The following CTPS1 variants were observed in gnomAD, a reference collection of about 807,000 sequenced individuals.
The protein encoded by CTPS1 is CTP synthase 1.
In CTPS1, 25 loss-of-function variants were observed where a neutral mutation model predicts 80.5. That is an observed-to-expected ratio of 0.31 (90% CI 0.23 to 0.43). The LOEUF is 0.43. Ranked by LOEUF, CTPS1 falls within the 20% of genes least tolerant of loss-of-function variation. CTPS1 has a pLI of 1.00. For synonymous variants in CTPS1, 267 were observed against 252.5 expected (o/e 1.06, Z -0.54); for missense variants, 442 against 725.7 (o/e 0.61, Z 4.49).
At chr1:41,004,617 C>A (rs1357596109) in intron 12 of CTPS1, among the ~76,000 whole-genome samples, 2 of 152,180 alleles carry the variant, frequency 1.3e-5, no homozygotes, top group Non-Finnish European at 2.9e-5. Context: ...GTACCAGGAA[C>A]TTGGTCCTTT....
At chr1:40,997,568 A>AAGC in intron 9 of CTPS1, 42 bp downstream of exon 9, 1 of 1,604,760 alleles carries the variant, frequency 6.2e-7, no homozygotes, top group South Asian at 1.1e-5. Context: ...ATGAGCAGGG[A>AAGC]AGCAGTCTGT....
chr1:40,988,526 T>C, intron 4 of CTPS1, 68 bp from the exon 5 acceptor site: 1 of 989,108 alleles, frequency 1.0e-6, no homozygotes, highest in Non-Finnish European at 1.6e-6. Context: ...GACAGAACAG[T>C]TGTTAGAAAA....
intron 7 of CTPS1, among the ~76,000 whole-genome samples, chr1:40,994,172 T>G (rs569154861): frequency 1.3e-5 from 2 of 152,348 alleles, no homozygotes; most frequent in South Asian, 4.1e-4. Flanking sequence ...GTGCTTTCAC[T>G]GTCGTGTCTA....
chr1:41,009,383 TTC>T, intron 16 of CTPS1, 60 bp from the exon 17 acceptor site: 1 of 1,462,326 alleles, frequency 6.8e-7, no homozygotes, highest in Non-Finnish European at 9.2e-7. Context: ...GCAGATTTTG[TTC>T]TTTTACACTT....
At chr1:40,984,394 C>G (rs1642400317) in intron 2 of CTPS1, among the ~76,000 whole-genome samples, 1 of 152,212 alleles carries the variant, frequency 6.6e-6, no homozygotes, top group African/African-American at 2.4e-5. Context: ...TTTTTATAAT[C>G]AGCACAAGCT....
chr1:40,987,871 C>T (rs1384350418), intron 4 of CTPS1, among the ~76,000 whole-genome samples: 1 of 152,104 alleles, frequency 6.6e-6, no homozygotes, highest in Non-Finnish European at 1.5e-5. Context: ...CTCAGTGTTC[C>T]TCAGATAACA....
intron 1 of CTPS1, 181 bp from the exon 2 acceptor site, chr1:40,983,097 C>T: frequency 2.0e-6 from 1 of 493,640 alleles, no homozygotes; most frequent in Non-Finnish European, 3.6e-6. Flanking sequence ...ATTCAGTGAT[C>T]CAAGAAATGT....
chr1:40,997,611 T>C (rs1419074833), intron 9 of CTPS1, 85 bp downstream of exon 9: 33 of 1,447,538 alleles, frequency 2.3e-5, no homozygotes, highest in Non-Finnish European at 3.1e-5. Context: ...ATCTGCTTTC[T>C]GTTTGGAGCT....
At chr1:40,982,140 T>C (rs1478962900) in intron 1 of CTPS1, 9 of 433,188 alleles carry the variant, frequency 2.1e-5, no homozygotes, top group Non-Finnish European at 3.2e-5. Flanking sequence ...CCTCACCTCT[T>C]GTCGATGCTG....
chr1:40,980,021 C>T (rs1379648761), intron 1 of CTPS1, 192 bp downstream of exon 1: 2 of 151,294 alleles, frequency 1.3e-5, no homozygotes, highest in South Asian at 4.1e-4. Context: ...GCGCCCCGGC[C>T]GGCGAGCTGC....
Position 41,003,182 on chromosome 1 carries a change from C to T in CTPS1, c.1252+6C>T, listed in dbSNP as rs749852432. ...AAACGTGCTGGGATGGCAAGGTAAG[C>T]GTGCATTAAGACACTCATTCAATTC... On this transcript the variant is annotated splice_donor_region_variant and intron_variant, in intron 12 of 18. Coordinates refer to ENST00000650070, the MANE Select transcript of CTPS1 (RefSeq NM_001905.4). 6.8e-6 allele frequency: 11 copies of T among 1,613,860 alleles called. No homozygotes were observed. In the South Asian group the frequency reaches 8.8e-5, roughly 13 times the overall value.
At chr1:40,987,210 T>C (rs547204939) in intron 3 of CTPS1, among the ~76,000 whole-genome samples, 162 bp from the exon 4 acceptor site, 13 of 152,286 alleles carry the variant, frequency 8.5e-5, no homozygotes, top group East Asian at 3.9e-4. Context: ...AGCTCAGAGA[T>C]TTGTTGAGGC....
chr1:40,999,295 G>T (rs565119619), intron 9 of CTPS1, among the ~76,000 whole-genome samples: 3 of 152,194 alleles, frequency 2.0e-5, no homozygotes, highest in Non-Finnish European at 2.9e-5. Context: ...AGACAGGCTG[G>T]TGAGGGCCTG....
rs116700741 is a variant in CTPS1 at position 40,991,149 on chromosome 1, T to G, written c.556-16T>G. 0.031 allele frequency: 48,244 copies of G among 1,564,662 alleles called. 587 individuals carry two copies. Among genetic ancestry groups the G allele is most frequent in the South Asian group, 0.04 (3,275 of 81,794 alleles). On this transcript the variant is annotated splice_polypyrimidine_tract_variant and intron_variant, in intron 5 of 18. Coordinates refer to ENST00000650070, the MANE Select transcript of CTPS1 (RefSeq NM_001905.4). Reference sequence around the variant, plus strand: ...GAGGGAAACTAACTTTTTTTTTTTTTTCTTTTGTGAAATAGCCAAGTTCAA... The same window carrying G: ...GAGGGAAACTAACTTTTTTTTTTTTGTCTTTTGTGAAATAGCCAAGTTCAA...
At chr1:41,005,799 G>A in intron 12 of CTPS1, among the ~76,000 whole-genome samples, 1 of 152,104 alleles carries the variant, frequency 6.6e-6, no homozygotes, top group East Asian at 1.9e-4. Flanking sequence ...ACCTTCTTGG[G>A]AGGCTGAGGC....
chr1:40,999,638 A>AG (rs1173058483), intron 9 of CTPS1, among the ~76,000 whole-genome samples: 1 of 152,242 alleles, frequency 6.6e-6, no homozygotes, highest in Non-Finnish European at 1.5e-5. Flanking sequence ...ACAGTCTGGT[A>AG]GTTTCTTATC....
intron 12 of CTPS1, among the ~76,000 whole-genome samples, 193 bp from the exon 13 acceptor site, chr1:41,005,858 C>T (rs561085744): frequency 2.0e-5 from 3 of 152,190 alleles, no homozygotes; most frequent in African/African-American, 7.2e-5. Context: ...GAGCTATGAT[C>T]GCACCACTGC....
intron 13 of CTPS1, among the ~76,000 whole-genome samples, chr1:41,006,801 G>A (rs908171990): frequency 5.3e-5 from 8 of 152,204 alleles, no homozygotes; most frequent in Admixed American, 2.0e-4. Context: ...TAAATGAGAC[G>A]GACAAAGTTC....
intron 18 of CTPS1, 70 bp downstream of exon 18, chr1:41,010,324 T>C (rs1453322864): frequency 3.4e-6 from 4 of 1,164,104 alleles, no homozygotes; most frequent in Non-Finnish European, 5.1e-6. Context: ...AAGAATATCA[T>C]GGAAGTTTAG....
Sources: gnomAD v4.1 joint callset for allele counts (sites outside exome capture counted in the v4.1 genomes callset) on GRCh38, gnomAD v4.1.1 for gene constraint, MANE v1.5 for transcripts, NCBI Gene and HGNC (gene_info 2026-07-23, HGNC 2026-07-21) for gene names.